Variants in MEGF9 observed in about 807,000 individuals in gnomAD.
The protein encoded by MEGF9 is multiple epidermal growth factor-like domains protein 9.
A neutral mutation model predicts 46.8 loss-of-function variants in MEGF9; 6 were observed. The ratio of observed to expected loss-of-function variants is 0.13; its 90% CI spans 0.07 to 0.25. The LOEUF (loss-of-function observed/expected upper bound fraction) is 0.25. MEGF9 is among the 10% of genes least tolerant of loss of function. The probability of loss-of-function intolerance (pLI) is 1.00; values close to 1 mark genes in which losing one functional copy is unlikely to be tolerated. For missense variants in MEGF9, 683 were observed against 792.4 expected (o/e 0.86, Z 1.66); for synonymous variants, 302 against 330.7 (o/e 0.91, Z 0.94).
intron 2 of MEGF9, among the ~76,000 whole-genome samples, chr9:120,628,765 CA>C (rs1273457811): frequency 6.6e-6 from 1 of 151,992 alleles, no homozygotes; most frequent in Non-Finnish European, 1.5e-5. Flanking sequence ...TTCTTTACTC[CA>C]GAGGAAGATA....
chr9:120,677,730 T>C (rs2043779544), intron 1 of MEGF9, among the ~76,000 whole-genome samples: 1 of 152,250 alleles, frequency 6.6e-6, no homozygotes, highest in East Asian at 1.9e-4. Context: ...ATATGGACTA[T>C]ACTAAGCTAT....
chr9:120,700,940 A>T (rs1294270571), intron 1 of MEGF9, among the ~76,000 whole-genome samples: 1 of 150,814 alleles, frequency 6.6e-6, no homozygotes, highest in Non-Finnish European at 1.5e-5. Flanking sequence ...TAATAATAAT[A>T]ATTAATTTAA....
intron 1 of MEGF9, among the ~76,000 whole-genome samples, chr9:120,683,303 G>C (rs576804220): frequency 2.2e-4 from 33 of 152,100 alleles, no homozygotes; most frequent in Non-Finnish European, 4.1e-4. Context: ...CCAAAAAGTT[G>C]GCCATAAGCC....
chr9:120,661,417 T>G (rs1044986161), intron 1 of MEGF9, among the ~76,000 whole-genome samples: 1 of 152,152 alleles, frequency 6.6e-6, no homozygotes, highest in African/African-American at 2.4e-5. Context: ...CTCGGGAGGC[T>G]GAGGTGGGAG....
chr9:120,684,820 G>A (rs1478424611), intron 1 of MEGF9, among the ~76,000 whole-genome samples: 3 of 152,034 alleles, frequency 2.0e-5, no homozygotes, highest in Non-Finnish European at 2.9e-5. Flanking sequence ...AAAACAGATT[G>A]GAGGCTTCAT....
At chr9:120,635,278 A>G (rs974056780) in intron 2 of MEGF9, among the ~76,000 whole-genome samples, 2 of 152,182 alleles carry the variant, frequency 1.3e-5, no homozygotes, top group African/African-American at 2.4e-5. Context: ...TAATCTGACT[A>G]TTAAGTACCT....
At chr9:120,708,436 G>C (rs928018881) in intron 1 of MEGF9, among the ~76,000 whole-genome samples, 1 of 152,146 alleles carries the variant, frequency 6.6e-6, no homozygotes, top group Non-Finnish European at 1.5e-5. Flanking sequence ...TACATGTCAT[G>C]GTAGTCAGAG....
chr9:120,701,066 C>T (rs373974632), intron 1 of MEGF9, among the ~76,000 whole-genome samples: 1 of 151,358 alleles, frequency 6.6e-6, no homozygotes, highest in East Asian at 1.9e-4. Flanking sequence ...CTACCGTGAG[C>T]CACAATCACG....
At chr9:120,706,358 C>T (rs1219661650) in intron 1 of MEGF9, among the ~76,000 whole-genome samples, 1 of 152,014 alleles carries the variant, frequency 6.6e-6, no homozygotes, top group Non-Finnish European at 1.5e-5. Context: ...ACTAATCAGA[C>T]TAAGGAATTT....
intron 1 of MEGF9, among the ~76,000 whole-genome samples, chr9:120,707,214 T>G (rs565408324): frequency 4.6e-5 from 7 of 152,220 alleles, no homozygotes; most frequent in Non-Finnish European, 1.0e-4. Context: ...GTAAGTGTGC[T>G]TGTAATTACT....
At chr9:120,658,402 A>AT (rs1391383552) in intron 2 of MEGF9, among the ~76,000 whole-genome samples, 1 of 152,258 alleles carries the variant, frequency 6.6e-6, no homozygotes, top group African/African-American at 2.4e-5. Context: ...TTTGTCAAGG[A>AT]GCTAAAAGTT....
At chr9:120,704,169 T>C (rs914794374) in intron 1 of MEGF9, among the ~76,000 whole-genome samples, 15 of 149,226 alleles carry the variant, frequency 1.0e-4, no homozygotes, top group African/African-American at 3.7e-4. Flanking sequence ...CCCCACCTCT[T>C]CTAAAAATAT....
intron 1 of MEGF9, among the ~76,000 whole-genome samples, chr9:120,666,907 G>A (rs2043727593): frequency 6.6e-6 from 1 of 152,142 alleles, no homozygotes; most frequent in African/African-American, 2.4e-5. Flanking sequence ...ACAGATCAGG[G>A]GTTTGCCAGG....
In MEGF9 at chr9:120,713,938, T is replaced by C; in HGVS notation, c.421A>G (p.Thr141Ala). Residue 141 changes from threonine to alanine, a missense_variant, in exon 1 of 6, where the codon ACC becomes GCC. By Grantham distance (58) the Thr-to-Ala change is moderately conservative. Transcript: ENST00000373930. ...GAAAGGGTGGTCGGCGCGGGTCTGG[T>C]CGGCGCCTGAGAGGTGGTCGAAGTG... is the stretch of plus-strand genomic sequence containing the variant. ...ERTSTTSQAPTRPAPTTLSTT... is the reference protein window; with the variant it reads ...ERTSTTSQAPARPAPTTLSTT... 7.3e-7 allele frequency: 1 copy of C among 1,370,682 alleles called. No individual in the cohort carries two copies. 84.9% of individuals were successfully genotyped at this position (1,370,682 alleles called of 1,614,324 possible).
chr9:120,619,501 T>C (rs1241082738), intron 3 of MEGF9, among the ~76,000 whole-genome samples: 2 of 152,222 alleles, frequency 1.3e-5, no homozygotes, highest in African/African-American at 4.8e-5. Flanking sequence ...ACTGCTATTA[T>C]ATCAAATTTA....
chr9:120,686,330 G>A lies in MEGF9; in HGVS notation c.602-26755C>T, dbSNP rs554517787. 6.2e-4 allele frequency among the ~76,000 whole-genome samples: 94 copies of A among 152,202 alleles called. No homozygotes were observed. The Middle Eastern group carries it at 0.014, about 22-fold the overall frequency. On this transcript the variant is annotated intron_variant, in intron 1 of 5. Coordinates refer to ENST00000373930, the MANE Select transcript of MEGF9 (RefSeq NM_001080497.3). ...CCTAACCTCGTGATCCGCCTGCCTC[G>A]GCCTCCCGAAGTGCTGGGATTACAA...
chr9:120,714,034 C>G lies in MEGF9; in HGVS notation c.325G>C (p.Ala109Pro). The G allele has an allele frequency of 7.5e-7, 1 of 1,334,122 alleles. No individual in the cohort carries two copies. Among genetic ancestry groups the G allele is most frequent in the Non-Finnish European group, 9.6e-7 (1 of 1,039,046 alleles). 82.6% of individuals were successfully genotyped at this position (1,334,122 alleles called of 1,614,324 possible). The part of the protein sequence containing the change: ...SPETTPLWAT[A>P]GPSSTTFQAP... ...TGAAAGGTGGTGGAAGAGGGTCCAG[C>G]AGTCGCCCAAAGAGGGGTGGTCTCC... Residue 109 changes from alanine (A) to proline (P), a missense_variant, in exon 1 of 6, where the codon GCT (alanine) becomes CCT (proline). By Grantham distance (27) the Ala-to-Pro change is conservative. Around this residue, in one of 2 missense-constraint regions of MEGF9, gnomAD observed 370 missense variants for 371.3 expected, o/e 1.00. Transcript: ENST00000373930.
chr9:120,619,486 C>T (rs1442957505), intron 3 of MEGF9, among the ~76,000 whole-genome samples: 1 of 152,210 alleles, frequency 6.6e-6, no homozygotes, highest in African/African-American at 2.4e-5. Flanking sequence ...ACCCACTAGG[C>T]AGTTACTGCT....
chr9:120,688,342 T>C (rs761310112), intron 1 of MEGF9, among the ~76,000 whole-genome samples: 2 of 151,576 alleles, frequency 1.3e-5, no homozygotes, highest in African/African-American at 2.4e-5. Flanking sequence ...GTCTGCAAAA[T>C]AAGGAAGGAA....
Sources: allele counts gnomAD v4.1 joint callset (sites outside exome capture counted in the v4.1 genomes callset), GRCh38; gene constraint gnomAD v4.1.1; regional missense constraint gnomAD v4.1.1; transcripts MANE v1.5; gene names NCBI Gene and HGNC (gene_info 2026-07-23, HGNC 2026-07-21).